Variants in SP140L observed in about 807,000 individuals in gnomAD.
SP140L encodes nuclear body protein SP140-like protein.
Under a neutral mutation model 84.3 loss-of-function variants are expected in SP140L, and 64 were observed. That is an observed-to-expected ratio of 0.76 (90% confidence interval 0.62 to 0.94). The LOEUF (loss-of-function observed/expected upper bound fraction) is 0.94, where lower values mean the gene tolerates loss of function less well. Among genes scored for constraint, SP140L ranks in the 40% least tolerant of loss-of-function variants. The probability of loss-of-function intolerance (pLI) is 0.00; values close to 1 mark genes in which losing one functional copy is unlikely to be tolerated. For missense variants in SP140L, 628 were observed against 692.5 expected (o/e 0.91, Z 1.05); for synonymous variants, 242 against 236.9 (o/e 1.02, Z -0.20).
At position 230,370,791 on chromosome 2, in the gene SP140L, G is replaced by C. The variant is rs1244294317; in HGVS notation, c.524-117G>C. On this transcript the variant is annotated intron_variant, in intron 5 of 18. Transcript: ENST00000415673. ...AGTAGAGAAGAGGGCAGCAACCAGG[G>C]TGCAGAAAAGAGGGTTATTGGGGCA... 1.4e-5 allele frequency: 12 copies of C among 868,208 alleles called. No individual in the cohort carries two copies. The South Asian group carries it at 1.5e-4, about 11-fold the overall frequency. The allele number at this position is 868,208 out of a possible 1,614,324, so 53.8% of individuals were successfully genotyped here. A position where few individuals can be genotyped will look rare whatever the true frequency, so the allele number is the denominator to read the frequency against.
intron 2 of SP140L, among the ~76,000 whole-genome samples, chr2:230,348,660 G>T (rs2060279569): frequency 6.6e-6 from 1 of 152,208 alleles, no homozygotes; most frequent in South Asian, 2.1e-4. Context: ...CTCCCAGACT[G>T]TGCCTAGTCT....
chr2:230,364,775 C>T (rs987763362), intron 5 of SP140L, among the ~76,000 whole-genome samples: 2 of 152,046 alleles, frequency 1.3e-5, no homozygotes, highest in African/African-American at 4.8e-5. Context: ...TAGCTGTAGG[C>T]TTGTCATATG....
chr2:230,371,218 T>G (rs1014959729), intron 6 of SP140L, among the ~76,000 whole-genome samples: 2 of 152,232 alleles, frequency 1.3e-5, no homozygotes, highest in African/African-American at 4.8e-5. Flanking sequence ...TCCTGTTTAT[T>G]GCATTAATAT....
intron 2 of SP140L, 136 bp downstream of exon 2, chr2:230,328,967 G>GTGT: frequency 7.5e-7 from 1 of 1,341,804 alleles, no homozygotes; most frequent in Non-Finnish European, 9.8e-7. Context: ...ATGTGATTCA[G>GTGT]TTGAGGTGTT....
intron 7 of SP140L, among the ~76,000 whole-genome samples, chr2:230,377,919 T>C (rs1330181573): frequency 6.6e-6 from 1 of 152,220 alleles, no homozygotes; most frequent in Non-Finnish European, 1.5e-5. Flanking sequence ...CAAGAACCTA[T>C]GTTTTCTTCA....
chr2:230,345,719 G>A (rs2060189645), intron 2 of SP140L, among the ~76,000 whole-genome samples: 1 of 151,502 alleles, frequency 6.6e-6, no homozygotes, highest in Admixed American at 6.6e-5. Context: ...TATATCATCT[G>A]ATTTTAAGCT....
At chr2:230,366,610 T>G (rs1357770746) in intron 5 of SP140L, among the ~76,000 whole-genome samples, 1 of 151,672 alleles carries the variant, frequency 6.6e-6, no homozygotes, top group African/African-American at 2.4e-5. Flanking sequence ...ATTTAATCCA[T>G]ACTTAACATA....
At chr2:230,367,706 G>A (rs1295459438) in intron 5 of SP140L, among the ~76,000 whole-genome samples, 1 of 152,210 alleles carries the variant, frequency 6.6e-6, no homozygotes, top group Non-Finnish European at 1.5e-5. Context: ...CCAGCACTTT[G>A]GGAGGTTAAG....
In SP140L at chr2:230,389,320, G is replaced by T. The variant is rs532859714; in HGVS notation, c.860-599G>T. On this transcript the variant is annotated intron_variant, in intron 10 of 18. Transcript: ENST00000415673. ...TTTCACACCTACTTCTGTAGTATCC[G>T]GTTCTCAGTTCCCCACCCCCTGCTA... 3.9e-5 allele frequency among the ~76,000 whole-genome samples: 6 copies of T among 152,116 alleles called. No individual in the cohort carries two copies. In the South Asian group the frequency reaches 1.2e-3, roughly 32 times the overall value.
chr2:230,361,519 A>G, intron 4 of SP140L, 95 bp from the exon 5 acceptor site: 1 of 786,304 alleles, frequency 1.3e-6, no homozygotes. Context: ...CTTCTGAGTC[A>G]GCCTAATGCT....
At chr2:230,346,809 G>T (rs190948366) in intron 2 of SP140L, among the ~76,000 whole-genome samples, 13 of 152,268 alleles carry the variant, frequency 8.5e-5, no homozygotes, top group African/African-American at 2.9e-4. Context: ...TTGTCCATCT[G>T]TGTTCTCTTG....
chr2:230,330,731 C>G (rs2059702793), intron 2 of SP140L, among the ~76,000 whole-genome samples: 1 of 152,170 alleles, frequency 6.6e-6, no homozygotes, highest in South Asian at 2.1e-4. Flanking sequence ...AGTAGTCCTT[C>G]TTTATCCACG....
chr2:230,391,406 A>G (rs1406585596), intron 11 of SP140L, among the ~76,000 whole-genome samples: 1 of 152,086 alleles, frequency 6.6e-6, no homozygotes, highest in African/African-American at 2.4e-5. Flanking sequence ...TTTTATTATG[A>G]TCATCCTAGT....
chr2:230,396,638 A>T, intron 13 of SP140L, 119 bp from the exon 14 acceptor site: 1 of 1,244,940 alleles, frequency 8.0e-7, no homozygotes, highest in Non-Finnish European at 1.1e-6. Context: ...TCTCCTCCCA[A>T]TTATTTTTTT....
rs1046808886 is a variant in SP140L at position 230,389,975 on chromosome 2, A to G, written c.916A>G (p.Thr306Ala). The G allele has an allele frequency of 4.3e-6, 7 of 1,613,880 alleles. No homozygotes were observed. The highest frequency in any genetic ancestry group is 5.9e-6 in the Non-Finnish European group (7 of 1,179,822). ...TTTTCAGGCTCCTTTACTTCCAGTG[A>G]CCTGTGGTGGGGTGAAGGGAATTTT... ...VDFQAPLLPV[T>A]CGGVKGILHK... The change falls in exon 11 of 19, where the codon ACC becomes GCC. Residue 306 changes from threonine (T) to alanine (A), a missense_variant. Thr to Ala is a moderately conservative substitution (Grantham distance 58). This residue lies in a region of SP140L where 525 missense variants were observed against 518.4 expected (regional missense o/e 1.01). Coordinates refer to ENST00000415673, the MANE Select transcript of SP140L (RefSeq NM_138402.6).
At chr2:230,383,327 G>C (rs1000141924) in intron 7 of SP140L, among the ~76,000 whole-genome samples, 183 bp from the exon 8 acceptor site, 3 of 152,122 alleles carry the variant, frequency 2.0e-5, no homozygotes, top group African/African-American at 7.2e-5. Context: ...ATGGCCCAAG[G>C]CTCATGCAGA....
At chr2:230,339,028 A>T (rs1334209625) in intron 2 of SP140L, among the ~76,000 whole-genome samples, 1 of 138,212 alleles carries the variant, frequency 7.2e-6, no homozygotes, top group East Asian at 2.1e-4. Context: ...GTTAGGGAGG[A>T]TTCCCTCTTT....
chr2:230,370,275 C>T (rs1037660800), intron 5 of SP140L, among the ~76,000 whole-genome samples: 1 of 152,066 alleles, frequency 6.6e-6, no homozygotes, highest in Non-Finnish European at 1.5e-5. Flanking sequence ...GAGCACTTCA[C>T]CTTGGCTCAG....
intron 2 of SP140L, among the ~76,000 whole-genome samples, chr2:230,335,386 TAC>T (rs1426016065): frequency 6.6e-6 from 1 of 152,246 alleles, no homozygotes. Context: ...CTTTATAATG[TAC>T]AGTGTTTTCA....
Sources: allele counts gnomAD v4.1 joint callset (sites outside exome capture counted in the v4.1 genomes callset), GRCh38; gene constraint gnomAD v4.1.1; regional missense constraint gnomAD v4.1.1; transcripts MANE v1.5; gene names NCBI Gene and HGNC (gene_info 2026-07-23, HGNC 2026-07-21).